Variants in RHOJ observed in about 807,000 individuals in gnomAD.
The protein encoded by RHOJ is ras homolog family member J.
A neutral mutation model predicts 23.4 loss-of-function variants in RHOJ; 11 were observed. The ratio of observed to expected loss-of-function variants is 0.47; its 90% confidence interval spans 0.30 to 0.78. The LOEUF is 0.78. RHOJ is among the 30% of genes least tolerant of loss of function. The pLI is 0.08. For synonymous variants in RHOJ, 102 were observed against 102.7 expected, an observed-to-expected ratio of 0.99 and a Z score of 0.04; for missense variants, 254 against 273.4, an observed-to-expected ratio of 0.93 and a Z score of 0.50.
At chr14:63,268,690 A>C (rs1317336904) in intron 1 of RHOJ, among the ~76,000 whole-genome samples, 2 of 152,182 alleles carry the variant, frequency 1.3e-5, no homozygotes, top group African/African-American at 2.4e-5. Context: ...ATACAAGCAG[A>C]GAGATTTCTA....
At chr14:63,275,376 G>T (rs1404442849) in intron 2 of RHOJ, among the ~76,000 whole-genome samples, 3 of 152,172 alleles carry the variant, frequency 2.0e-5, no homozygotes, top group Non-Finnish European at 2.9e-5. Flanking sequence ...GCAAATATAT[G>T]TAGTGTCTAA....
intron 1 of RHOJ, among the ~76,000 whole-genome samples, chr14:63,214,309 G>C (rs369584094): frequency 3.9e-5 from 6 of 152,184 alleles, no homozygotes; most frequent in South Asian, 2.1e-4. Context: ...CTGTTTTAGA[G>C]TTCAAACCCA....
At chr14:63,207,464 T>C (rs1450360921) in intron 1 of RHOJ, among the ~76,000 whole-genome samples, 2 of 152,200 alleles carry the variant, frequency 1.3e-5, no homozygotes, top group Non-Finnish European at 2.9e-5. Context: ...TACAATCAAT[T>C]GTAAAAAACT....
intron 4 of RHOJ, chr14:63,284,530 C>T (rs1167847782): frequency 5.6e-6 from 1 of 179,690 alleles, no homozygotes; most frequent in Non-Finnish European, 1.1e-5. Context: ...CAATCCAGCT[C>T]TGTGGACATC....
In RHOJ at chr14:63,205,343, A is replaced by G. The variant is rs187897861; in HGVS notation, c.178+296A>G. 5.4e-4 allele frequency among the ~76,000 whole-genome samples: 83 copies of G among 152,332 alleles called. 1 individual carries two copies. In the East Asian group the frequency reaches 8.7e-3, roughly 16 times the overall value. ...TTACTCAACATTTGCCTCAACATTC[A>G]TTAAAGTTTTACTGTGAACATTTTT... On this transcript the variant is annotated intron_variant, in intron 1 of 4. Coordinates refer to ENST00000316754, the MANE Select transcript of RHOJ (RefSeq NM_020663.5).
chr14:63,250,802 G>A (rs1895056969), intron 1 of RHOJ, among the ~76,000 whole-genome samples: 1 of 152,136 alleles, frequency 6.6e-6, no homozygotes, highest in African/African-American at 2.4e-5. Context: ...GGGAGACCAA[G>A]GTAGGCAGAT....
At chr14:63,254,878 T>C (rs921030657) in intron 1 of RHOJ, among the ~76,000 whole-genome samples, 5 of 152,108 alleles carry the variant, frequency 3.3e-5, no homozygotes, top group African/African-American at 9.7e-5. Flanking sequence ...GAAGTCCCCA[T>C]ATAGAAGAAA....
At chr14:63,235,997 C>T (rs185928731) in intron 1 of RHOJ, among the ~76,000 whole-genome samples, 3 of 152,370 alleles carry the variant, frequency 2.0e-5, no homozygotes, top group Middle Eastern at 6.8e-3. Flanking sequence ...GGAAGAAATT[C>T]TCCATCCTTA....
At chr14:63,269,011 C>A in intron 1 of RHOJ, 99 bp from the exon 2 acceptor site, 2 of 801,400 alleles carry the variant, frequency 2.5e-6, no homozygotes, top group Non-Finnish European at 4.2e-6. Flanking sequence ...CTTCTTCTTG[C>A]TGCCCAAGGA....
intron 1 of RHOJ, among the ~76,000 whole-genome samples, chr14:63,236,012 C>G (rs1894782998): frequency 6.6e-6 from 1 of 152,210 alleles, no homozygotes; most frequent in African/African-American, 2.4e-5. Context: ...TCCTTAAATA[C>G]ATTTCTTAAT....
chr14:63,245,694 CA>C (rs1238077593), intron 1 of RHOJ, among the ~76,000 whole-genome samples: 5 of 152,072 alleles, frequency 3.3e-5, no homozygotes, highest in African/African-American at 1.2e-4. Context: ...TATAACTGTA[CA>C]AATCTGATCT....
At chr14:63,239,924 G>A (rs1894853916) in intron 1 of RHOJ, among the ~76,000 whole-genome samples, 1 of 152,180 alleles carries the variant, frequency 6.6e-6, no homozygotes, top group Non-Finnish European at 1.5e-5. Flanking sequence ...ATGAAATTCT[G>A]AAGAACCGAA....
intron 1 of RHOJ, among the ~76,000 whole-genome samples, chr14:63,246,686 A>G (rs1429206112): frequency 6.6e-6 from 1 of 152,200 alleles, no homozygotes; most frequent in East Asian, 1.9e-4. Context: ...ACTAGGATTG[A>G]AAATAAAATT....
At chr14:63,233,628 T>C (rs1229433466) in intron 1 of RHOJ, among the ~76,000 whole-genome samples, 1 of 152,184 alleles carries the variant, frequency 6.6e-6, no homozygotes, top group African/African-American at 2.4e-5. Context: ...AATCACAAAC[T>C]AGATTTTATT....
intron 1 of RHOJ, among the ~76,000 whole-genome samples, chr14:63,213,651 C>G (rs1415805942): frequency 1.3e-4 from 20 of 151,874 alleles, no homozygotes; most frequent in Non-Finnish European, 1.5e-5. Context: ...GGATATATAC[C>G]CAGTAATAGG....
chr14:63,281,657 GA>G (rs1881904019), intron 3 of RHOJ, among the ~76,000 whole-genome samples: 1 of 151,994 alleles, frequency 6.6e-6, no homozygotes, highest in South Asian at 2.1e-4. Context: ...AGATCTTAGA[GA>G]AGAAGTTAAA....
intron 1 of RHOJ, among the ~76,000 whole-genome samples, chr14:63,225,031 C>A (rs1279736076): frequency 6.7e-6 from 1 of 149,870 alleles, no homozygotes; most frequent in African/African-American, 2.5e-5. Context: ...CAGCTCACTG[C>A]AAGCTCCGCC....
chr14:63,270,504 C>T (rs1895449320), intron 2 of RHOJ, among the ~76,000 whole-genome samples: 1 of 152,138 alleles, frequency 6.6e-6, no homozygotes, highest in African/African-American at 2.4e-5. Context: ...AGGAGGCCCC[C>T]CATGTGCTCC....
chr14:63,259,841 C>T (rs1438907069), intron 1 of RHOJ, among the ~76,000 whole-genome samples: 2 of 152,004 alleles, frequency 1.3e-5, no homozygotes, highest in Admixed American at 1.3e-4. Context: ...CATATTCTGG[C>T]TGGCGATATT....
Sources: allele counts gnomAD v4.1 joint callset (sites outside exome capture counted in the v4.1 genomes callset), GRCh38; gene constraint gnomAD v4.1.1; transcripts MANE v1.5; gene names NCBI Gene and HGNC (gene_info 2026-07-23, HGNC 2026-07-21).